The following EBF2 variants were observed in gnomAD, a reference collection of about 807,000 sequenced individuals.
EBF2 encodes the protein transcription factor COE2.
EBF2 carries 21 observed loss-of-function variants against 72.8 expected under a neutral mutation model. The observed-to-expected ratio is 0.29, with a 90% confidence interval of 0.20 to 0.42. EBF2 has a LOEUF of 0.42. Ranked by LOEUF, EBF2 falls within the 10% of genes least tolerant of loss-of-function variation. EBF2 has a pLI of 1.00. For missense variants in EBF2, 637 were observed against 731.2 expected (o/e 0.87, Z 1.49); for synonymous variants, 299 against 274.2 (o/e 1.09, Z -0.89).
chr8:25,856,709 C>T (rs1252047081), intron 14 of EBF2, among the ~76,000 whole-genome samples: 1 of 152,208 alleles, frequency 6.6e-6, no homozygotes, highest in African/African-American at 2.4e-5. Context: ...CCACACCAGA[C>T]ACCACCTCCA....
intron 6 of EBF2, among the ~76,000 whole-genome samples, chr8:26,018,089 A>C (rs1805141705): frequency 6.6e-6 from 1 of 151,636 alleles, no homozygotes; most frequent in South Asian, 2.1e-4. Context: ...CTAGGGAGAC[A>C]ACGGACCTCA....
At chr8:26,011,162 C>T (rs1288125048) in intron 6 of EBF2, among the ~76,000 whole-genome samples, 1 of 152,088 alleles carries the variant, frequency 6.6e-6, no homozygotes, top group Non-Finnish European at 1.5e-5. Context: ...AAATTGCATC[C>T]CAGTAACTTG....
intron 5 of EBF2, among the ~76,000 whole-genome samples, chr8:26,036,195 G>C (rs548273154): frequency 6.6e-6 from 1 of 152,320 alleles, no homozygotes; most frequent in African/African-American, 2.4e-5. Context: ...AAATTGTTCA[G>C]CTGAATTCAG....
At chr8:25,875,316 CT>C (rs1170028112) in intron 10 of EBF2, among the ~76,000 whole-genome samples, 1 of 152,118 alleles carries the variant, frequency 6.6e-6, no homozygotes, top group African/African-American at 2.4e-5. Flanking sequence ...GTAATTTTAT[CT>C]TTCTAATGGG....
chr8:25,991,447 T>A (rs1329028259), intron 6 of EBF2, among the ~76,000 whole-genome samples: 1 of 152,210 alleles, frequency 6.6e-6, no homozygotes, highest in Non-Finnish European at 1.5e-5. Flanking sequence ...TCTCACTTTC[T>A]TCCCACCACA....
intron 6 of EBF2, chr8:26,031,958 C>G (rs1585234667): frequency 6.6e-6 from 1 of 152,186 alleles, no homozygotes; most frequent in Non-Finnish European, 1.5e-5. Context: ...CTGGAACCTT[C>G]TAAAATGGCA....
intron 6 of EBF2, among the ~76,000 whole-genome samples, chr8:25,958,316 T>C (rs1452066170): frequency 6.6e-6 from 1 of 152,226 alleles, no homozygotes; most frequent in Non-Finnish European, 1.5e-5. Flanking sequence ...AACCAACCTG[T>C]AATTTCATCC....
intron 6 of EBF2, among the ~76,000 whole-genome samples, chr8:25,914,124 A>G (rs1237906536): frequency 6.6e-6 from 1 of 152,212 alleles, no homozygotes; most frequent in Non-Finnish European, 1.5e-5. Context: ...TGAGAAGCCT[A>G]CTGGGTGGCC....
intron 6 of EBF2, among the ~76,000 whole-genome samples, chr8:26,028,434 G>C (rs565339701): frequency 1.3e-5 from 2 of 152,142 alleles, no homozygotes; most frequent in Non-Finnish European, 2.9e-5. Flanking sequence ...CTACCAGTAC[G>C]CACATGGGTA....
At chr8:25,865,600 T>C (rs1322898705) in intron 10 of EBF2, among the ~76,000 whole-genome samples, 1 of 152,030 alleles carries the variant, frequency 6.6e-6, no homozygotes, top group Admixed American at 6.5e-5. Context: ...TATCTTTTTC[T>C]TTTTTCTTTT....
At chr8:26,039,200 A>T (rs1173185202) in intron 5 of EBF2, among the ~76,000 whole-genome samples, 1 of 152,110 alleles carries the variant, frequency 6.6e-6, no homozygotes, top group Non-Finnish European at 1.5e-5. Flanking sequence ...GAATAAGGGT[A>T]GATGCAATTC....
chr8:25,946,986 A>G (rs1803780136), intron 6 of EBF2, among the ~76,000 whole-genome samples: 1 of 152,156 alleles, frequency 6.6e-6, no homozygotes, highest in African/African-American at 2.4e-5. Context: ...ATACAATAAT[A>G]CAATTTGATT....
intron 14 of EBF2, among the ~76,000 whole-genome samples, chr8:25,851,551 A>C (rs997975907): frequency 1.3e-5 from 2 of 152,170 alleles, no homozygotes; most frequent in Non-Finnish European, 2.9e-5. Context: ...ATATCATGCA[A>C]GATGATAATT....
intron 6 of EBF2, among the ~76,000 whole-genome samples, chr8:25,934,800 A>G (rs1803546683): frequency 6.6e-6 from 1 of 152,178 alleles, no homozygotes; most frequent in Non-Finnish European, 1.5e-5. Flanking sequence ...GTATCCCATC[A>G]GGTCTGCTTT....
intron 10 of EBF2, among the ~76,000 whole-genome samples, chr8:25,877,932 T>G (rs943449552): frequency 6.6e-6 from 1 of 152,182 alleles, no homozygotes; most frequent in Non-Finnish European, 1.5e-5. Flanking sequence ...CCGAAGAGCA[T>G]GATTTGGCAT....
At chr8:25,915,811 A>G (rs1284338539) in intron 6 of EBF2, among the ~76,000 whole-genome samples, 2 of 152,160 alleles carry the variant, frequency 1.3e-5, no homozygotes, top group Non-Finnish European at 2.9e-5. Flanking sequence ...CAGGATCTCC[A>G]TAATGGAGAT....
intron 6 of EBF2, among the ~76,000 whole-genome samples, chr8:25,991,620 C>T (rs1251340144): frequency 6.6e-6 from 1 of 152,088 alleles, no homozygotes; most frequent in Non-Finnish European, 1.5e-5. Flanking sequence ...TCGAGGCGGG[C>T]AGATCACTTG....
intron 6 of EBF2, among the ~76,000 whole-genome samples, chr8:25,914,083 C>T (rs150177790): frequency 2.1e-4 from 32 of 152,266 alleles, no homozygotes; most frequent in South Asian, 1.0e-3. Context: ...ATCCTTTGGG[C>T]GATTAGGCAA....
intron 7 of EBF2, among the ~76,000 whole-genome samples, chr8:25,900,097 G>A (rs1287639320): frequency 6.6e-6 from 1 of 152,152 alleles, no homozygotes; most frequent in Non-Finnish European, 1.5e-5. Flanking sequence ...CATGCAACCT[G>A]GAACCAACTC....
Sources: allele counts gnomAD v4.1 joint callset (sites outside exome capture counted in the v4.1 genomes callset), GRCh38; gene constraint gnomAD v4.1.1; transcripts MANE v1.5; gene names NCBI Gene and HGNC (gene_info 2026-07-23, HGNC 2026-07-21).